Variants in ASPRV1 observed in about 807,000 individuals in gnomAD.
The protein encoded by ASPRV1 is retroviral-like aspartic protease 1.
Under a neutral mutation model 11.0 loss-of-function variants are expected in ASPRV1, and 7 were observed. The ratio of observed to expected loss-of-function variants is 0.64; its 90% CI spans 0.36 to 1.20. The LOEUF (loss-of-function observed/expected upper bound fraction) is 1.20, where lower values mean the gene tolerates loss of function less well. ASPRV1 is among the 50% of genes most tolerant of loss of function. ASPRV1 has a pLI of 0.02. For missense variants in ASPRV1, 299 were observed against 320.0 expected (o/e 0.93, Z 0.50); for synonymous variants, 136 against 138.4 (o/e 0.98, Z 0.12).
At chr2:69,979,155 C>T in the ASPRV1 span, among the ~76,000 whole-genome samples, 17 of 152,144 alleles carry the variant, frequency 1.1e-4, no homozygotes, top group African/African-American at 2.7e-4. Flanking sequence ...CTGCCTCAGC[C>T]TCCTGAGTAG....
the ASPRV1 span, among the ~76,000 whole-genome samples, chr2:70,006,792 T>G: frequency 1.3e-5 from 2 of 152,256 alleles, no homozygotes; most frequent in Non-Finnish European, 2.9e-5. Flanking sequence ...TTAGCGCTAT[T>G]AATGTGTAAA....
At chr2:69,994,372 G>A in the ASPRV1 span, 1 of 152,350 alleles carries the variant, frequency 6.6e-6, no homozygotes, top group African/African-American at 2.4e-5. Context: ...TCAACCTCCT[G>A]ACACAGCATC....
At chr2:70,040,816 AGAGT>A in the ASPRV1 span, among the ~76,000 whole-genome samples, 13 of 152,170 alleles carry the variant, frequency 8.5e-5, no homozygotes, top group African/African-American at 3.1e-4. Context: ...CCTGGGTGAC[AGAGT>A]GAGACTCCGA....
chr2:69,945,722 T>C, the ASPRV1 span, among the ~76,000 whole-genome samples: 1 of 152,078 alleles, frequency 6.6e-6, no homozygotes, highest in Non-Finnish European at 1.5e-5. Flanking sequence ...AACCATCTTA[T>C]CCAAAGGGAT....
chr2:69,953,981 G>A, the ASPRV1 span, among the ~76,000 whole-genome samples: 193 of 152,128 alleles, frequency 1.3e-3, 1 homozygote, highest in African/African-American at 4.4e-3. Context: ...GCCTCCCAAA[G>A]TGTTGGGATT....
At chr2:69,945,961 TGGAGGAGAAGGCACCTG>T in the ASPRV1 span, among the ~76,000 whole-genome samples, 1 of 152,082 alleles carries the variant, frequency 6.6e-6, no homozygotes, top group East Asian at 1.9e-4. Context: ...GCAGCCATCC[TGGAGGAGAAGGCACCTG>T]GGAGGGCCTT....
chr2:69,995,607 C>T, the ASPRV1 span, among the ~76,000 whole-genome samples: 8 of 152,106 alleles, frequency 5.3e-5, no homozygotes, highest in Admixed American at 1.3e-4. Flanking sequence ...GTTCAGGGCC[C>T]TAGAACTAGC....
At chr2:69,969,422 C>T in the ASPRV1 span, among the ~76,000 whole-genome samples, 1 of 152,162 alleles carries the variant, frequency 6.6e-6, no homozygotes, top group Non-Finnish European at 1.5e-5. Flanking sequence ...CTGAAGCCCT[C>T]GCACTGCTGT....
At chr2:70,054,580 A>AAATC in the ASPRV1 span, among the ~76,000 whole-genome samples, 1 of 150,796 alleles carries the variant, frequency 6.6e-6, no homozygotes, top group East Asian at 1.9e-4. Context: ...CCGTCTCAAT[A>AAATC]AATAAATAAA....
At chr2:70,082,477 G>A in the ASPRV1 span, among the ~76,000 whole-genome samples, 8 of 152,064 alleles carry the variant, frequency 5.3e-5, no homozygotes, top group African/African-American at 1.9e-4. Context: ...TTGGGAGGCC[G>A]GGGCAGGCAG....
At chr2:69,935,501 CT>C in the ASPRV1 span, 4 of 1,404,800 alleles carry the variant, frequency 2.8e-6, no homozygotes, top group Non-Finnish European at 4.0e-6. Context: ...TTATCTTTAC[CT>C]GTTCAGTGAG....
At chr2:69,983,497 AGGGCAGCCTTTT>A in the ASPRV1 span, among the ~76,000 whole-genome samples, 33 of 152,348 alleles carry the variant, frequency 2.2e-4, 1 homozygote, top group East Asian at 6.4e-3. Context: ...GCCTCAGAGC[AGGGCAGCCTTTT>A]GGGCAAAGCT....
At chr2:70,025,426 G>A in the ASPRV1 span, among the ~76,000 whole-genome samples, 3 of 151,856 alleles carry the variant, frequency 2.0e-5, no homozygotes, top group Admixed American at 2.0e-4. Context: ...AGAGAAAAGA[G>A]GAGGAGGAGG....
chr2:70,063,375 G>A, the ASPRV1 span, among the ~76,000 whole-genome samples: 4 of 152,070 alleles, frequency 2.6e-5, no homozygotes, highest in Admixed American at 6.6e-5. Flanking sequence ...ACAGAGTCCC[G>A]TACTATATTC....
downstream of ASPRV1, among the ~76,000 whole-genome samples, chr2:69,956,476 GA>G (rs144711073): frequency 1.1e-4 from 16 of 145,200 alleles, no homozygotes; most frequent in East Asian, 3.2e-3. Flanking sequence ...AGAAGAAGAA[GA>G]AAAGAGGAAG....
At chr2:70,058,905 G>C in the ASPRV1 span, among the ~76,000 whole-genome samples, 15 of 27,694 alleles carry the variant, frequency 5.4e-4, no homozygotes, top group Non-Finnish European at 8.8e-4. Context: ...TTTTTTTTTT[G>C]AGACAGAGTC....
At chr2:69,946,880 G>A in the ASPRV1 span, among the ~76,000 whole-genome samples, 15 of 152,102 alleles carry the variant, frequency 9.9e-5, no homozygotes, top group African/African-American at 3.4e-4. Context: ...CTAAGACCCC[G>A]CCAGCCCTAC....
the ASPRV1 span, among the ~76,000 whole-genome samples, chr2:70,022,293 G>T: frequency 6.6e-6 from 1 of 151,056 alleles, no homozygotes; most frequent in Non-Finnish European, 1.5e-5. Flanking sequence ...GGGATTACAG[G>T]CATGAGCCAC....
At chr2:69,938,039 G>T in the ASPRV1 span, 2 of 1,546,380 alleles carry the variant, frequency 1.3e-6, no homozygotes, top group Non-Finnish European at 1.8e-6. Flanking sequence ...GAGCCACCAC[G>T]CCTGAGCTTT....
Sources: gnomAD v4.1 joint callset for allele counts (sites outside exome capture counted in the v4.1 genomes callset) on GRCh38, gnomAD v4.1.1 for gene constraint, MANE v1.5 for transcripts, NCBI Gene and HGNC (gene_info 2026-07-23, HGNC 2026-07-21) for gene names.